RNF168: variants seen among roughly 807,000 people sequenced by gnomAD.
RNF168 encodes E3 ubiquitin-protein ligase RNF168.
RNF168 carries 34 observed loss-of-function variants against 34.9 expected under a neutral mutation model. The ratio of observed to expected loss-of-function variants is 0.97; its 90% CI spans 0.74 to 1.30. The LOEUF (loss-of-function observed/expected upper bound fraction) is 1.30. RNF168 is among the 50% of genes most tolerant of loss of function. The probability of loss-of-function intolerance (pLI) is 0.00; values close to 1 mark genes in which losing one functional copy is unlikely to be tolerated. For missense variants in RNF168, 725 were observed against 682.5 expected (o/e 1.06, Z -0.69); for synonymous variants, 264 against 254.7 (o/e 1.04, Z -0.35).
In RNF168 at chr3:196,503,000, T is replaced by C. The variant is rs1311795750; in HGVS notation, c.174A>G (p.Val58=). The change falls in exon 1 of 6, where the codon GTA becomes GTG. Residue 58 remains valine, a synonymous_variant. Coordinates refer to ENST00000318037, the MANE Select transcript of RNF168 (RefSeq NM_152617.4). The part of the protein sequence containing the change: ...SLCCPFCRRR[V]SSWTRYHTRR... ...GGGTATGGTACCGAGTCCACGACGA[T>C]ACCCGGCGGCGACAGAAGGGACAGC... 1.9e-6 allele frequency: 3 copies of C among 1,614,062 alleles called. No homozygotes were observed. The highest frequency in any genetic ancestry group is 2.2e-5 in the East Asian group (1 of 44,860).
chr3:196,486,563 G>A (rs915274467), intron 3 of RNF168, among the ~76,000 whole-genome samples: 16 of 152,218 alleles, frequency 1.1e-4, no homozygotes, highest in Admixed American at 2.0e-4. Context: ...CAAACTCCTG[G>A]GCTCAAGCGA....
chr3:196,483,631 T>C, intron 4 of RNF168, 139 bp downstream of exon 4: 1 of 746,620 alleles, frequency 1.3e-6, no homozygotes, highest in South Asian at 1.5e-5. Context: ...CTCTCTCCTT[T>C]TCAATTTACC....
chr3:196,485,006 A>G (rs1396790881), intron 3 of RNF168, among the ~76,000 whole-genome samples: 1 of 152,140 alleles, frequency 6.6e-6, no homozygotes, highest in African/African-American at 2.4e-5. Flanking sequence ...ATCTATATGG[A>G]CATATTCAGA....
At chr3:196,482,219 A>C (rs1732309655) in intron 4 of RNF168, among the ~76,000 whole-genome samples, 1 of 152,130 alleles carries the variant, frequency 6.6e-6, no homozygotes, top group South Asian at 2.1e-4. Flanking sequence ...TTTACTCTTT[A>C]ATCAACAAGT....
intron 1 of RNF168, among the ~76,000 whole-genome samples, chr3:196,491,074 G>C (rs1215374808): frequency 6.6e-6 from 1 of 152,214 alleles, no homozygotes; most frequent in Non-Finnish European, 1.5e-5. Context: ...CAGCACTTTG[G>C]GAGGCTGAGG....
chr3:196,500,900 A>AG (rs1168469352), intron 1 of RNF168, among the ~76,000 whole-genome samples: 2 of 151,502 alleles, frequency 1.3e-5, no homozygotes, highest in African/African-American at 4.9e-5. Context: ...TTTAGTAGAG[A>AG]GGGGGTTTCA....
In RNF168 at chr3:196,472,588, GT is replaced by G. The variant is rs762317646; in HGVS notation, c.946del (p.Thr316GlnfsTer13). On this transcript the variant is annotated frameshift_variant, in exon 6 of 6. Coordinates refer to ENST00000318037, the MANE Select transcript of RNF168 (RefSeq NM_152617.4). LOFTEE classifies it low-confidence loss of function (END_TRUNC). ...CTCTTTCCCATGATTGCTTGGTCTT[GT>G]TTTGACGTTTCCTTCATGGTACCAT... is the stretch of plus-strand genomic sequence containing the variant. ...AEWYHEGNVK[T>X]RPSNHGKELC... The G allele has an allele frequency of 6.2e-7, 1 of 1,614,116 alleles. No individual in the cohort carries two copies. Among genetic ancestry groups the G allele is most frequent in the African/African-American group, 1.3e-5 (1 of 74,936 alleles).
At chr3:196,491,237 C>T (rs1404237959) in intron 1 of RNF168, among the ~76,000 whole-genome samples, 5 of 152,120 alleles carry the variant, frequency 3.3e-5, no homozygotes, top group Admixed American at 6.6e-5. Flanking sequence ...AGCTTGAACC[C>T]GGGAGGCGGA....
intron 4 of RNF168, among the ~76,000 whole-genome samples, chr3:196,478,023 G>A (rs1394901658): frequency 6.6e-6 from 1 of 152,238 alleles, no homozygotes; most frequent in East Asian, 1.9e-4. Flanking sequence ...GTTTGAGGCT[G>A]CAGTGAGCTA....
chr3:196,485,038 G>T (rs947312708), intron 3 of RNF168, among the ~76,000 whole-genome samples: 3 of 152,130 alleles, frequency 2.0e-5, no homozygotes, highest in African/African-American at 7.2e-5. Flanking sequence ...ATACCCAAAA[G>T]AATAGTTTTA....
chr3:196,482,719 T>C (rs1247259404), intron 4 of RNF168, among the ~76,000 whole-genome samples: 3 of 152,228 alleles, frequency 2.0e-5, no homozygotes, highest in Non-Finnish European at 4.4e-5. Context: ...CATATTTTCG[T>C]GTACTTATTG....
intron 3 of RNF168, among the ~76,000 whole-genome samples, chr3:196,487,131 C>CA (rs1732449333): frequency 6.6e-6 from 1 of 152,180 alleles, no homozygotes; most frequent in Non-Finnish European, 1.5e-5. Flanking sequence ...TTAAGTAAAG[C>CA]AAAAATGTTA....
At chr3:196,489,483 T>C (rs778220092) in intron 1 of RNF168, among the ~76,000 whole-genome samples, 1 of 151,954 alleles carries the variant, frequency 6.6e-6, no homozygotes, top group South Asian at 2.1e-4. Context: ...TGCCCAACCA[T>C]GCCCAGCTAA....
chr3:196,493,636 C>T (rs557989926), intron 1 of RNF168, among the ~76,000 whole-genome samples: 1 of 152,278 alleles, frequency 6.6e-6, no homozygotes, highest in Admixed American at 6.5e-5. Context: ...AGCAATTCTC[C>T]TGCCTCAGCC....
At chr3:196,494,825 C>T (rs1732697279) in intron 1 of RNF168, among the ~76,000 whole-genome samples, 2 of 152,030 alleles carry the variant, frequency 1.3e-5, no homozygotes, top group Admixed American at 6.6e-5. Context: ...GAGTTCAAGA[C>T]CAGCCTCGGT....
At chr3:196,487,745 C>G (rs554366939) in intron 2 of RNF168, among the ~76,000 whole-genome samples, 167 bp from the exon 3 acceptor site, 1 of 152,158 alleles carries the variant, frequency 6.6e-6, no homozygotes, top group Non-Finnish European at 1.5e-5. Context: ...ATAGCTGTCC[C>G]ATCTCAGCCT....
At position 196,471,757 on chromosome 3, in the gene RNF168, T is replaced by C; in HGVS notation, c.*62A>G. ...GAATGACACATGGATGAAGATTCCA[T>C]GATAGGAAAGAGCTTCACATTCCAG... is the stretch of plus-strand genomic sequence containing the variant. On this transcript the variant is annotated 3_prime_UTR_variant, in exon 6 of 6. Coordinates refer to ENST00000318037, the MANE Select transcript of RNF168 (RefSeq NM_152617.4). 1.9e-6 allele frequency: 2 copies of C among 1,069,904 alleles called. No individual in the cohort carries two copies. The highest frequency in any genetic ancestry group is 2.9e-6 in the Non-Finnish European group (2 of 685,728). 66.3% of individuals were successfully genotyped at this position (1,069,904 alleles called of 1,614,324 possible).
At chr3:196,482,055 C>T (rs1222788708) in intron 4 of RNF168, among the ~76,000 whole-genome samples, 2 of 151,550 alleles carry the variant, frequency 1.3e-5, no homozygotes, top group Non-Finnish European at 2.9e-5. Context: ...AATCCTCCTG[C>T]CTCAGCCTCC....
chr3:196,473,549 G>A (rs1732066784), intron 5 of RNF168, among the ~76,000 whole-genome samples: 1 of 152,088 alleles, frequency 6.6e-6, no homozygotes, highest in South Asian at 2.1e-4. Flanking sequence ...AAGTATAAAT[G>A]ATATTTAAAG....
Sources: allele counts gnomAD v4.1 joint callset (sites outside exome capture counted in the v4.1 genomes callset), GRCh38; gene constraint gnomAD v4.1.1; transcripts MANE v1.5; gene names NCBI Gene and HGNC (gene_info 2026-07-23, HGNC 2026-07-21).